The following GLIS3 variants were observed in gnomAD, a reference collection of about 807,000 sequenced individuals.
GLIS3 encodes zinc finger protein GLIS3.
Under a neutral mutation model 78.6 loss-of-function variants are expected in GLIS3, and 53 were observed. The observed-to-expected ratio is 0.67, with a 90% confidence interval of 0.54 to 0.85. GLIS3 has a LOEUF of 0.85. GLIS3 is among the 40% of genes least tolerant of loss of function. GLIS3 has a pLI of 0.00. For synonymous variants in GLIS3, 684 were observed against 509.9 expected, an observed-to-expected ratio of 1.34 and a Z score of -4.60; for missense variants, 1,703 against 1,231.1, an observed-to-expected ratio of 1.38 and a Z score of -5.74.
At chr9:4,397,404 C>T in the GLIS3 span, among the ~76,000 whole-genome samples, 1 of 151,676 alleles carries the variant, frequency 6.6e-6, no homozygotes, top group East Asian at 1.9e-4. Flanking sequence ...TTTTCCAACA[C>T]ATTATTGTTC....
At chr9:4,193,319 A>T (rs1818500542) in intron 2 of GLIS3, among the ~76,000 whole-genome samples, 1 of 152,268 alleles carries the variant, frequency 6.6e-6, no homozygotes, top group Non-Finnish European at 1.5e-5. Context: ...AGTTGTACTG[A>T]AACACAGACA....
intron 2 of GLIS3, among the ~76,000 whole-genome samples, chr9:4,197,541 G>A (rs1298878155): frequency 1.3e-5 from 2 of 152,076 alleles, no homozygotes; most frequent in African/African-American, 2.4e-5. Context: ...GCACATATCT[G>A]GGCATTTGGT....
At chr9:4,345,618 A>G (rs771594599) in intron 2 of GLIS3, among the ~76,000 whole-genome samples, 1 of 152,174 alleles carries the variant, frequency 6.6e-6, no homozygotes, top group Non-Finnish European at 1.5e-5. Context: ...TCTTTCCCCC[A>G]TCCTTAAAAA....
At chr9:4,198,200 T>C (rs1347693993) in intron 2 of GLIS3, among the ~76,000 whole-genome samples, 3 of 152,006 alleles carry the variant, frequency 2.0e-5, no homozygotes, top group African/African-American at 7.3e-5. Flanking sequence ...AAAGCATGGA[T>C]TGCAAGCAAG....
upstream of GLIS3, among the ~76,000 whole-genome samples, chr9:4,304,168 A>G (rs1563925749): frequency 6.6e-6 from 1 of 152,226 alleles, no homozygotes; most frequent in Non-Finnish European, 1.5e-5. Flanking sequence ...GTATGTGTAT[A>G]ATCATTTCAG....
chr9:3,960,585 G>T (rs969094133), intron 4 of GLIS3, among the ~76,000 whole-genome samples: 3 of 152,160 alleles, frequency 2.0e-5, no homozygotes, highest in Non-Finnish European at 2.9e-5. Flanking sequence ...CACATAGTGG[G>T]TCCACAGTAT....
intron 4 of GLIS3, among the ~76,000 whole-genome samples, chr9:3,972,257 T>C (rs1415501190): frequency 6.6e-6 from 1 of 152,206 alleles, no homozygotes; most frequent in Non-Finnish European, 1.5e-5. Flanking sequence ...TTCTTCTCTT[T>C]TTAGGATGAA....
At chr9:3,916,110 G>A (rs1019795082) in intron 6 of GLIS3, among the ~76,000 whole-genome samples, 2 of 152,196 alleles carry the variant, frequency 1.3e-5, no homozygotes, top group African/African-American at 4.8e-5. Flanking sequence ...TGAGAATGCT[G>A]TTTTACTGTC....
At chr9:4,330,102 CT>C (rs1201988952) in intron 2 of GLIS3, among the ~76,000 whole-genome samples, 5 of 152,154 alleles carry the variant, frequency 3.3e-5, no homozygotes, top group Admixed American at 2.6e-4. Context: ...CCAAAACTTA[CT>C]TTTAGGAAAT....
intron 2 of GLIS3, among the ~76,000 whole-genome samples, chr9:4,317,647 CT>C (rs1317966255): frequency 6.6e-6 from 1 of 152,114 alleles, no homozygotes; most frequent in African/African-American, 2.4e-5. Context: ...CTAAATGTAT[CT>C]TTTTTAAAAA....
chr9:3,852,590 A>G (rs1159673006), intron 9 of GLIS3, among the ~76,000 whole-genome samples: 2 of 152,244 alleles, frequency 1.3e-5, no homozygotes, highest in African/African-American at 4.8e-5. Context: ...CTTGAAAAAT[A>G]GTAGATAAAT....
intron 2 of GLIS3, among the ~76,000 whole-genome samples, chr9:4,161,675 C>T (rs374537317): frequency 1.9e-4 from 22 of 114,194 alleles, no homozygotes; most frequent in South Asian, 3.0e-4. Context: ...TGCTAGAAGT[C>T]TTTTTTTTTT....
chr9:4,273,414 G>C (rs980700893), intron 2 of GLIS3, among the ~76,000 whole-genome samples: 2 of 151,926 alleles, frequency 1.3e-5, no homozygotes, highest in African/African-American at 4.8e-5. Flanking sequence ...GGAAAACACA[G>C]GGAGACCCCA....
At chr9:4,248,159 T>C (rs1823985039) in intron 2 of GLIS3, among the ~76,000 whole-genome samples, 1 of 152,208 alleles carries the variant, frequency 6.6e-6, no homozygotes, top group East Asian at 1.9e-4. Flanking sequence ...TACATAGGTA[T>C]GCACGTGACA....
At chr9:4,224,271 G>C (rs958623843) in intron 2 of GLIS3, among the ~76,000 whole-genome samples, 3 of 152,096 alleles carry the variant, frequency 2.0e-5, no homozygotes, top group African/African-American at 7.2e-5. Flanking sequence ...AATATTTCCA[G>C]TCTTAAAAAA....
At chr9:4,416,642 A>G in the GLIS3 span, among the ~76,000 whole-genome samples, 1 of 151,960 alleles carries the variant, frequency 6.6e-6, no homozygotes, top group African/African-American at 2.4e-5. Flanking sequence ...GACTTCCTTA[A>G]ATATGAAGTA....
At chr9:4,063,538 G>T (rs945239556) in intron 4 of GLIS3, among the ~76,000 whole-genome samples, 1 of 151,502 alleles carries the variant, frequency 6.6e-6, no homozygotes. Flanking sequence ...CCCTTGGTAA[G>T]AGCCATGCAA....
intron 2 of GLIS3, among the ~76,000 whole-genome samples, chr9:4,194,580 G>C (rs1818630573): frequency 2.0e-5 from 3 of 152,194 alleles, no homozygotes; most frequent in African/African-American, 4.8e-5. Context: ...GATGAACTCT[G>C]TGAGCTTTAA....
rs540976193 is a variant in GLIS3 at position 3,976,870 on chromosome 9, GA to G, written c.1711-39682del. ...CCACAATCGGATGACATCTTTGGTG[GA>G]AAAAAAAAAAAGCTTCTGACAAGAC... On this transcript the variant is annotated intron_variant, in intron 4 of 10. Transcript: ENST00000381971. Among the ~76,000 whole-genome samples, 170 of 65,024 alleles carry G rather than the reference GA, an allele frequency of 2.6e-3. 1 individual carries two copies. The highest frequency in any genetic ancestry group is 4.0e-3 in the Admixed American group (22 of 5,460). The allele number at this position is 65,024 out of a possible 152,430, so 42.7% of individuals were successfully genotyped here.
Sources: allele counts gnomAD v4.1 joint callset (sites outside exome capture counted in the v4.1 genomes callset), GRCh38; gene constraint gnomAD v4.1.1; transcripts MANE v1.5; gene names NCBI Gene and HGNC (gene_info 2026-07-23, HGNC 2026-07-21).